The following ADAMTS3 variants were observed in gnomAD, a reference collection of about 807,000 sequenced individuals.
ADAMTS3 encodes the protein A disintegrin and metalloproteinase with thrombospondin motifs 3.
A neutral mutation model predicts 129.0 loss-of-function variants in ADAMTS3; 73 were observed. The ratio of observed to expected loss-of-function variants is 0.57; its 90% CI spans 0.47 to 0.69. The LOEUF is 0.69. Ranked by LOEUF, ADAMTS3 falls within the 30% of genes least tolerant of loss-of-function variation. The pLI, the probability that ADAMTS3 is intolerant of heterozygous loss-of-function variation, is 0.00. For synonymous variants in ADAMTS3, 477 were observed against 510.8 expected, an observed-to-expected ratio of 0.93 and a Z score of 0.89; for missense variants, 1,457 against 1,514.5, an observed-to-expected ratio of 0.96 and a Z score of 0.63.
intron 3 of ADAMTS3, among the ~76,000 whole-genome samples, chr4:72,503,467 T>C (rs1286407339): frequency 2.0e-5 from 3 of 152,174 alleles, no homozygotes; most frequent in African/African-American, 7.2e-5. Flanking sequence ...TGGTCTGAGA[T>C]TATAGTTGGT....
intron 21 of ADAMTS3, among the ~76,000 whole-genome samples, chr4:72,285,676 C>T (rs551191218): frequency 1.1e-3 from 154 of 144,414 alleles, no homozygotes; most frequent in Non-Finnish European, 1.9e-3. Context: ...TGTGGAGGAG[C>T]AAAAGGGAGA....
At chr4:72,423,241 T>C (rs1722489478) in intron 3 of ADAMTS3, among the ~76,000 whole-genome samples, 1 of 152,172 alleles carries the variant, frequency 6.6e-6, no homozygotes, top group South Asian at 2.1e-4. Flanking sequence ...CTAAATCTGT[T>C]ACAACCTTAT....
chr4:72,315,778 G>C (rs1719377913), intron 11 of ADAMTS3, 80 bp downstream of exon 11: 1 of 909,148 alleles, frequency 1.1e-6, no homozygotes, highest in Non-Finnish European at 1.7e-6. Context: ...GTGCAGCTGT[G>C]TTTACCATTT....
At chr4:72,562,363 T>C (rs893097845) in intron 2 of ADAMTS3, among the ~76,000 whole-genome samples, 2 of 152,176 alleles carry the variant, frequency 1.3e-5, no homozygotes, top group African/African-American at 2.4e-5. Flanking sequence ...AACCAACTTG[T>C]GGGGCTCTCT....
chr4:72,553,511 T>C (rs1378380709), intron 2 of ADAMTS3, among the ~76,000 whole-genome samples: 1 of 152,158 alleles, frequency 6.6e-6, no homozygotes, highest in Non-Finnish European at 1.5e-5. Flanking sequence ...GTAGATGGGA[T>C]TATTTTTTCT....
chr4:72,320,656 G>A, intron 7 of ADAMTS3, 58 bp downstream of exon 7: 1 of 1,556,424 alleles, frequency 6.4e-7, no homozygotes, highest in Non-Finnish European at 8.8e-7. Context: ...GCCTGATTTA[G>A]GATTACTTTT....
At chr4:72,553,573 GT>G (rs1721693876) in intron 2 of ADAMTS3, among the ~76,000 whole-genome samples, 1 of 152,122 alleles carries the variant, frequency 6.6e-6, no homozygotes, top group Admixed American at 6.5e-5. Flanking sequence ...GGAAGGAAAG[GT>G]TTTTCTCTGA....
chr4:72,321,729 G>A (rs531401561), intron 6 of ADAMTS3, among the ~76,000 whole-genome samples: 1 of 152,032 alleles, frequency 6.6e-6, no homozygotes, highest in African/African-American at 2.4e-5. Context: ...TGAAATCTTA[G>A]TCTATGGAGA....
rs553612320 is a variant in ADAMTS3, at chr4:72,391,404, G to A, written c.661+23411C>T. On this transcript the variant is annotated intron_variant, in intron 4 of 21. Coordinates refer to ENST00000286657, the MANE Select transcript of ADAMTS3 (RefSeq NM_014243.3). ...GGCAAAAGAAATGGCATTCCCAAAG[G>A]CCCACACTGAAGATAAAGCTTAGCA... Among the ~76,000 whole-genome samples, 4 of 152,208 alleles carry A rather than the reference G, an allele frequency of 2.6e-5. No individual in the cohort carries two copies. In the South Asian group the frequency reaches 8.3e-4, roughly 32 times the overall value.
intron 4 of ADAMTS3, among the ~76,000 whole-genome samples, chr4:72,389,424 A>G (rs1445355479): frequency 6.6e-6 from 1 of 152,148 alleles, no homozygotes; most frequent in African/African-American, 2.4e-5. Flanking sequence ...ACATGGAAAA[A>G]TATTGATAGC....
intron 4 of ADAMTS3, among the ~76,000 whole-genome samples, chr4:72,390,055 C>T (rs1232398300): frequency 6.6e-6 from 1 of 152,128 alleles, no homozygotes; most frequent in Non-Finnish European, 1.5e-5. Flanking sequence ...ACCATGAATA[C>T]AAATGAGAGA....
chr4:72,489,865 A>C (rs1272350314), intron 3 of ADAMTS3, among the ~76,000 whole-genome samples: 1 of 151,824 alleles, frequency 6.6e-6, no homozygotes, highest in Non-Finnish European at 1.5e-5. Context: ...CAGATAAGGA[A>C]GTTGCTGTAT....
At position 72,290,949 on chromosome 4, in the gene ADAMTS3, T is replaced by C. The variant is rs1718642682; in HGVS notation, c.2837A>G (p.His946Arg). Residue 946 changes from histidine (H) to arginine (R), a missense_variant, in exon 20 of 22, where the codon CAC becomes CGC. Physicochemically the swap from His to Arg is conservative, Grantham distance 29 (BLOSUM62 0). Coordinates refer to ENST00000286657, the MANE Select transcript of ADAMTS3 (RefSeq NM_014243.3). Reference protein sequence around the residue: ...PLLDGTNRSVHSKYCMGDRPE... With the variant: ...PLLDGTNRSVRSKYCMGDRPE... ...ACGGTCACCCATGCAGTATTTGCTGTGCACAGAGCGGTTGGTGCCATCAAG... is the reference window on the plus strand; with the variant it reads ...ACGGTCACCCATGCAGTATTTGCTGCGCACAGAGCGGTTGGTGCCATCAAG... 7.4e-6 allele frequency: 12 copies of C among 1,614,088 alleles called. No homozygotes were observed. Among genetic ancestry groups the C allele is most frequent in the Non-Finnish European group, 1.0e-5 (12 of 1,179,982 alleles).
intron 4 of ADAMTS3, among the ~76,000 whole-genome samples, chr4:72,396,100 G>A (rs947278303): frequency 6.6e-6 from 1 of 152,148 alleles, no homozygotes; most frequent in Non-Finnish European, 1.5e-5. Flanking sequence ...TAACTGGGTG[G>A]ATGTTGGTTT....
intron 4 of ADAMTS3, among the ~76,000 whole-genome samples, chr4:72,394,573 A>G (rs1415929707): frequency 6.6e-6 from 1 of 152,228 alleles, no homozygotes; most frequent in Non-Finnish European, 1.5e-5. Flanking sequence ...CTCTTCACCC[A>G]AAACATTGCC....
At chr4:72,512,924 T>C (rs1389161952) in intron 3 of ADAMTS3, among the ~76,000 whole-genome samples, 2 of 152,076 alleles carry the variant, frequency 1.3e-5, no homozygotes, top group Non-Finnish European at 2.9e-5. Flanking sequence ...AGGCAGAGGG[T>C]ACATAGGAAA....
At chr4:72,399,275 TAAAAG>T in intron 4 of ADAMTS3, among the ~76,000 whole-genome samples, 1 of 151,708 alleles carries the variant, frequency 6.6e-6, no homozygotes, top group South Asian at 2.1e-4. Flanking sequence ...ACAAAAAAAG[TAAAAG>T]AAATTAGCTG....
At chr4:72,531,302 T>G (rs1336929993) in intron 3 of ADAMTS3, among the ~76,000 whole-genome samples, 1 of 152,132 alleles carries the variant, frequency 6.6e-6, no homozygotes, top group South Asian at 2.1e-4. Context: ...CCAACTTTTC[T>G]TTTTGGAGGA....
At chr4:72,439,144 T>C (rs1477427607) in intron 3 of ADAMTS3, among the ~76,000 whole-genome samples, 1 of 151,756 alleles carries the variant, frequency 6.6e-6, no homozygotes, top group Non-Finnish European at 1.5e-5. Flanking sequence ...GAACTGAGGA[T>C]TGAACTAATG....
Sources: allele counts gnomAD v4.1 joint callset (sites outside exome capture counted in the v4.1 genomes callset), GRCh38; gene constraint gnomAD v4.1.1; transcripts MANE v1.5; gene names NCBI Gene and HGNC (gene_info 2026-07-23, HGNC 2026-07-21).